Variants in IVD observed in about 807,000 individuals in gnomAD.
IVD encodes isovaleryl-CoA dehydrogenase.
Under a neutral mutation model 51.3 loss-of-function variants are expected in IVD, and 31 were observed. That is an observed-to-expected ratio of 0.60 (90% CI 0.45 to 0.81). The LOEUF (loss-of-function observed/expected upper bound fraction) is 0.81, where lower values mean the gene tolerates loss of function less well. Ranked by LOEUF, IVD falls within the 40% of genes least tolerant of loss-of-function variation. IVD has a pLI of 0.00. For synonymous variants in IVD, 205 were observed against 219.4 expected, an observed-to-expected ratio of 0.93 and a Z score of 0.58; for missense variants, 475 against 552.0, an observed-to-expected ratio of 0.86 and a Z score of 1.40.
At chr15:40,406,957 G>A (rs911324027) in intron 1 of IVD, among the ~76,000 whole-genome samples, 1 of 151,018 alleles carries the variant, frequency 6.6e-6, no homozygotes, top group Non-Finnish European at 1.5e-5. Flanking sequence ...TCCGCCTCCC[G>A]GGTTCAAGTG....
chr15:40,433,584 G>A (rs1479458797), intron 7 of IVD, among the ~76,000 whole-genome samples: 1 of 152,170 alleles, frequency 6.6e-6, no homozygotes, highest in Non-Finnish European at 1.5e-5. Context: ...GCGGACAAGT[G>A]TTCTGGTAAC....
chr15:40,410,665 T>C lies in IVD; in HGVS notation c.324T>C (p.His108=). The C allele has an allele frequency of 1.2e-6, 2 of 1,614,214 alleles. No individual in the cohort carries two copies. Among genetic ancestry groups the C allele is most frequent in the Non-Finnish European group, 8.5e-7 (1 of 1,180,032 alleles). Residue 108 remains histidine (H), a synonymous_variant, in exon 4 of 12, where the codon CAT becomes CAC. Transcript: ENST00000487418. ...YGGSGLGYLE[H]VLVMEEISRA... ...GCTCCGGCCTGGGCTACCTGGAGCA[T>C]GTGCTGGTGATGGAGGAGATATCCC...
At chr15:40,407,912 T>C (rs746931437) in intron 2 of IVD, 27 bp from the exon 3 acceptor site, 9 of 1,613,538 alleles carry the variant, frequency 5.6e-6, no homozygotes, top group Middle Eastern at 1.7e-4. Flanking sequence ...TCAACACTTA[T>C]TCCACTCTGC....
chr15:40,425,884 A>C (rs138504092), downstream of IVD, among the ~76,000 whole-genome samples: 409 of 151,760 alleles, frequency 2.7e-3, 2 homozygotes, highest in African/African-American at 9.5e-3. Context: ...GTCATGACTA[A>C]CTGCAGCCTT....
intron 11 of IVD, 33 bp from the exon 12 acceptor site, chr15:40,418,097 T>C: frequency 6.2e-7 from 1 of 1,613,482 alleles, no homozygotes; most frequent in Non-Finnish European, 8.5e-7. Flanking sequence ...TGTCAATCAC[T>C]TCCTTTCTTC....
At position 40,410,737 on chromosome 15, in the gene IVD, C is replaced by T; in HGVS notation, c.396C>T (p.Leu132=). The T allele has an allele frequency of 6.2e-7, 1 of 1,614,220 alleles. No homozygotes were observed. The highest frequency in any genetic ancestry group is 8.5e-7 in the Non-Finnish European group (1 of 1,180,038). Residue 132 remains leucine, a synonymous_variant, in exon 4 of 12, where the codon CTC becomes CTT. Coordinates refer to ENST00000487418, the MANE Select transcript of IVD (RefSeq NM_002225.5). ...TCAGTTACGGTGCCCACTCCAACCTCTGCATCAACCAGCTTGTACGCAATG... is the reference window on the plus strand; with the variant it reads ...TCAGTTACGGTGCCCACTCCAACCTTTGCATCAACCAGCTTGTACGCAATG... ...VGLSYGAHSN[L]CINQLVRNGN...
chr15:40,426,274 A>G (rs1256318304), downstream of IVD, among the ~76,000 whole-genome samples: 1 of 152,134 alleles, frequency 6.6e-6, no homozygotes, highest in African/African-American at 2.4e-5. Flanking sequence ...GCGGTGGCTT[A>G]TACCTGTAAT....
downstream of IVD, among the ~76,000 whole-genome samples, chr15:40,423,058 G>T (rs1353919187): frequency 1.4e-5 from 2 of 138,620 alleles, no homozygotes; most frequent in Non-Finnish European, 3.1e-5. Context: ...CCCACCCCCA[G>T]CCCCCCAGTA....
downstream of IVD, among the ~76,000 whole-genome samples, chr15:40,421,735 T>C (rs1892315367): frequency 6.6e-6 from 1 of 152,208 alleles, no homozygotes; most frequent in African/African-American, 2.4e-5. Context: ...CCATATAATC[T>C]AGTGATAACA....
chr15:40,424,124 C>A, downstream of IVD: 1 of 1,281,268 alleles, frequency 7.8e-7, no homozygotes, highest in Non-Finnish European at 1.0e-6. Context: ...AACTTGCCTT[C>A]CTTCTTCCAG....
intron 9 of IVD, among the ~76,000 whole-genome samples, chr15:40,415,731 G>A (rs147644774): frequency 6.6e-6 from 1 of 152,350 alleles, no homozygotes; most frequent in Admixed American, 6.5e-5. Context: ...AGAGCAAAGC[G>A]TGCAAGTTGT....
At position 40,411,252 on chromosome 15, in the gene IVD, C is replaced by G; in HGVS notation, c.457-8C>G. 6.2e-7 allele frequency: 1 copy of G among 1,614,032 alleles called. No individual in the cohort carries two copies. Among genetic ancestry groups the G allele is most frequent in the Non-Finnish European group, 8.5e-7 (1 of 1,179,934 alleles). The stretch of plus-strand genomic sequence containing the variant: ...TGTAACAAGGCCTGTTGGGGGTTTT[C>G]CTTGCAGCTGATCAGTGGTGAGTAC... On this transcript the variant is annotated splice_polypyrimidine_tract_variant and splice_region_variant and intron_variant, in intron 4 of 11. Transcript: ENST00000487418.
chr15:40,418,836 T>C lies in IVD; in HGVS notation c.*573T>C, dbSNP rs1891997500. 1.0e-6 allele frequency: 1 copy of C among 952,864 alleles called. No homozygotes were observed. The highest frequency in any genetic ancestry group is 2.7e-5 in the South Asian group (1 of 36,970). 59.0% of individuals were successfully genotyped at this position (952,864 alleles called of 1,614,324 possible). A position where few individuals can be genotyped will look rare whatever the true frequency, so the allele number is the denominator to read the frequency against. Reference sequence around the variant, plus strand: ...CAGTCTCTTTTCTGGGGGAAAAAAATAATAAACCTAGCCTAGCCAGGCGTG... The same window carrying C: ...CAGTCTCTTTTCTGGGGGAAAAAAACAATAAACCTAGCCTAGCCAGGCGTG... On this transcript the variant is annotated 3_prime_UTR_variant, in exon 12 of 12. Coordinates refer to ENST00000487418, the MANE Select transcript of IVD (RefSeq NM_002225.5).
At chr15:40,414,630 A>G in intron 7 of IVD, 3 of 454,396 alleles carry the variant, frequency 6.6e-6, no homozygotes, top group Non-Finnish European at 1.2e-5. Flanking sequence ...AAGGGAGTCC[A>G]GAGAGGGAAG....
chr15:40,416,652 G>A (rs1009014113), intron 11 of IVD, among the ~76,000 whole-genome samples: 2 of 152,114 alleles, frequency 1.3e-5, no homozygotes, highest in African/African-American at 4.8e-5. Context: ...AACAAAGATT[G>A]CACCATTGCA....
In IVD at chr15:40,419,076, C is replaced by T; in HGVS notation, c.*813C>T. The T allele has an allele frequency of 9.3e-7, 1 of 1,076,938 alleles. No individual in the cohort carries two copies. The highest frequency in any genetic ancestry group is 1.6e-5 in the African/African-American group (1 of 61,494). The allele number at this position is 1,076,938 out of a possible 1,614,324, so 66.7% of individuals were successfully genotyped here. A position where few individuals can be genotyped will look rare whatever the true frequency, so the allele number is the denominator to read the frequency against. The stretch of plus-strand genomic sequence containing the variant: ...ACTTGAACCCAGGAGGCGGACGTTG[C>T]AGTGAGCCGAGCTTGTGCCATTGCA... On this transcript the variant is annotated 3_prime_UTR_variant, in exon 12 of 12. Transcript: ENST00000487418.
Position 40,411,371 on chromosome 15 carries a change from T to G in IVD, c.550+18T>G, listed in dbSNP as rs372448489. The G allele has an allele frequency of 8.7e-6, 14 of 1,613,594 alleles. No homozygotes were observed. The African/African-American group carries it at 1.9e-4, about 22-fold the overall frequency. On this transcript the variant is annotated intron_variant, in intron 5 of 11. Transcript: ENST00000487418. ...AAAGAAAGGTGAGGCCACTCTCAACTTGGGAGCCAAAATGGGCAGAGGTAC... is the reference window on the plus strand; with the variant it reads ...AAAGAAAGGTGAGGCCACTCTCAACGTGGGAGCCAAAATGGGCAGAGGTAC...
At chr15:40,412,774 C>T (rs1244943308) in intron 6 of IVD, 2 of 566,430 alleles carry the variant, frequency 3.5e-6, no homozygotes, top group East Asian at 6.1e-5. Flanking sequence ...CCCATGAGAA[C>T]TGGGGAGAAC....
rs923700627 is a variant in IVD, at chr15:40,435,523, C to T, written c.888C>T (p.Leu296=). The T allele has an allele frequency of 2.4e-6, 3 of 1,237,870 alleles. No individual in the cohort carries two copies. The African/African-American group carries it at 4.7e-5, about 19-fold the overall frequency. 76.7% of individuals were successfully genotyped at this position (1,237,870 alleles called of 1,614,324 possible). ...CGAGGGAACTGAGATGCAAGATCCT[C>T]CTGCCTGAACTCACACCCCGCGTGC... The change falls in exon 9 of 9, where the codon CTC becomes CTT. Residue 296 remains leucine (L), a synonymous_variant. Transcript: ENST00000473112.
Sources: allele counts gnomAD v4.1 joint callset (sites outside exome capture counted in the v4.1 genomes callset), GRCh38; gene constraint gnomAD v4.1.1; transcripts MANE v1.5; gene names NCBI Gene and HGNC (gene_info 2026-07-23, HGNC 2026-07-21).